MORN3: variants seen among roughly 807,000 people sequenced by gnomAD.
MORN3 encodes MORN repeat containing 3.
MORN3 carries 38 observed loss-of-function variants against 34.7 expected under a neutral mutation model. That is an observed-to-expected ratio of 1.10 (90% confidence interval 0.85 to 1.44). The LOEUF (loss-of-function observed/expected upper bound fraction) is 1.44, where lower values mean the gene tolerates loss of function less well. Ranked by LOEUF, MORN3 falls within the 40% of genes most tolerant of loss-of-function variation. MORN3 has a pLI of 0.00. For missense variants in MORN3, 311 were observed against 321.7 expected (o/e 0.97, Z 0.25); for synonymous variants, 109 against 115.3 (o/e 0.95, Z 0.35).
intron 1 of MORN3, 82 bp from the exon 2 acceptor site, chr12:121,659,430 C>G (rs142800261): frequency 6.9e-7 from 1 of 1,451,830 alleles, no homozygotes; most frequent in African/African-American, 1.4e-5. Context: ...CTCAGGGGCC[C>G]CCAACTAGAC....
Position 121,659,241 on chromosome 12 carries a change from C to T in MORN3, c.253G>A (p.Gly85Arg). The T allele has an allele frequency of 6.2e-7, 1 of 1,614,048 alleles. No individual in the cohort carries two copies. Among genetic ancestry groups the T allele is most frequent in the South Asian group, 1.1e-5 (1 of 91,082 alleles). The change falls in exon 2 of 6, where the codon GGA (glycine) becomes AGA (arginine). Residue 85 changes from glycine to arginine, a missense_variant. Coordinates refer to ENST00000355329, the MANE Select transcript of MORN3 (RefSeq NM_173855.5). The stretch of plus-strand genomic sequence containing the variant: ...CCTGAGTAGACTCTCCTGCACTTTC[C>T]TGTCTGTTGGTCAGGAAGGCTGAGG... ...GTLSLPDQQT[G>R]KCRRVYSGWW... is the part of the protein sequence containing the mutation.
rs375220552 is a variant in MORN3, at chr12:121,666,572, A to G, written c.145+2767T>C. On this transcript the variant is annotated intron_variant, in intron 1 of 5. Coordinates refer to ENST00000355329, the MANE Select transcript of MORN3 (RefSeq NM_173855.5). The stretch of plus-strand genomic sequence containing the variant: ...TCCTGTCACTAAGATGCTGGCAGCC[A>G]TGTGTATCATGCAGAGGTATACTTG... Among the ~76,000 whole-genome samples, 4 of 152,264 alleles carry G rather than the reference A, an allele frequency of 2.6e-5. No individual in the cohort carries two copies. In the South Asian group the frequency reaches 8.3e-4, roughly 32 times the overall value.
intron 2 of MORN3, 80 bp from the exon 3 acceptor site, chr12:121,654,513 G>A (rs1192583775): frequency 6.9e-6 from 10 of 1,439,506 alleles, no homozygotes; most frequent in Non-Finnish European, 9.3e-6. Context: ...GGCACCCCTA[G>A]AGCCACACAC....
chr12:121,659,078 TAGAC>T, intron 2 of MORN3, 109 bp downstream of exon 2: 16 of 1,402,130 alleles, frequency 1.1e-5, no homozygotes, highest in Non-Finnish European at 1.4e-5. Context: ...CTCCTCCCTG[TAGAC>T]CTCCCCTCTC....
At chr12:121,663,938 C>T (rs1190417162) in intron 1 of MORN3, among the ~76,000 whole-genome samples, 1 of 152,082 alleles carries the variant, frequency 6.6e-6, no homozygotes, top group African/African-American at 2.4e-5. Context: ...CACTCTCCCA[C>T]TCTAAACCCC....
intron 1 of MORN3, among the ~76,000 whole-genome samples, chr12:121,662,543 C>G (rs1022628510): frequency 6.6e-6 from 1 of 152,022 alleles, no homozygotes; most frequent in Non-Finnish European, 1.5e-5. Context: ...ATGATGAGGT[C>G]AGGAGATCGA....
At chr12:121,652,873 G>T in intron 4 of MORN3, 65 bp from the exon 5 acceptor site, 1 of 1,564,802 alleles carries the variant, frequency 6.4e-7, no homozygotes. Context: ...AGCCTTGACT[G>T]GCGCTGCCTG....
In MORN3 at chr12:121,654,253, CG is replaced by C; in HGVS notation, c.463+20del. 1.6e-6 allele frequency: 2 copies of C among 1,286,100 alleles called. No individual in the cohort carries two copies. Among genetic ancestry groups the C allele is most frequent in the Non-Finnish European group, 1.0e-6 (1 of 982,738 alleles). 79.7% of individuals were successfully genotyped at this position (1,286,100 alleles called of 1,614,324 possible). On this transcript the variant is annotated intron_variant, in intron 3 of 5. Transcript: ENST00000355329. The stretch of plus-strand genomic sequence containing the variant: ...GGGGGCGTGGTCGGGTGGGCGGGGC[CG>C]GCGGGGGTGGGGCACTCACTCAGGC...
intron 1 of MORN3, among the ~76,000 whole-genome samples, chr12:121,667,827 C>G (rs1566487097): frequency 6.6e-6 from 1 of 150,878 alleles, no homozygotes; most frequent in Non-Finnish European, 1.5e-5. Flanking sequence ...GGGTTCACGC[C>G]ATTCTCCTGC....
At chr12:121,658,115 T>C (rs1314654924) in intron 2 of MORN3, among the ~76,000 whole-genome samples, 2 of 152,082 alleles carry the variant, frequency 1.3e-5, no homozygotes. Flanking sequence ...GGGAGACTGA[T>C]TTGAGTAATA....
At position 121,651,510 on chromosome 12, in the gene MORN3, C is replaced by G. The variant is rs1893252778; in HGVS notation, c.*141G>C. On this transcript the variant is annotated 3_prime_UTR_variant, in exon 6 of 6. Transcript: ENST00000355329. ...CCTATTGGCAAGAAATGACCCAGTG[C>G]TGGGGGTAGTGAGGGGCCCTATGAG... 1 of 152,404 alleles carries G rather than the reference C, an allele frequency of 6.6e-6. No homozygotes were observed. The allele number at this position is 152,404 out of a possible 1,614,324, so 9.4% of individuals were successfully genotyped here. A position where few individuals can be genotyped will look rare whatever the true frequency, so the allele number is the denominator to read the frequency against.
chr12:121,661,736 C>T (rs1260675711), intron 1 of MORN3, among the ~76,000 whole-genome samples: 2 of 151,898 alleles, frequency 1.3e-5, no homozygotes, highest in Admixed American at 6.6e-5. Context: ...ATTAGCTGGG[C>T]GTGGTGGTGC....
intron 1 of MORN3, among the ~76,000 whole-genome samples, chr12:121,667,544 T>G (rs7297028): frequency 6.6e-6 from 1 of 151,000 alleles, no homozygotes. Flanking sequence ...TGTGAGCCAC[T>G]GTCCCCGGCC....
In MORN3 at chr12:121,652,715, G is replaced by A; in HGVS notation, c.*6+13C>T. 1 of 1,613,280 alleles carries A rather than the reference G, an allele frequency of 6.2e-7. No homozygotes were observed. Among genetic ancestry groups the A allele is most frequent in the East Asian group, 2.2e-5 (1 of 44,878 alleles). Reference sequence around the variant, plus strand: ...AGCCACATCAGAACTTGGCAGGTGTGCCCACCCCTCACCTGGCATCAATCT... The same window carrying A: ...AGCCACATCAGAACTTGGCAGGTGTACCCACCCCTCACCTGGCATCAATCT... On this transcript the variant is annotated intron_variant, in intron 5 of 5. Transcript: ENST00000355329.
At chr12:121,669,844 ATGTCTTCT>A (rs1893903793), upstream of MORN3, among the ~76,000 whole-genome samples, 1 of 127,980 alleles carries the variant, frequency 7.8e-6, no homozygotes, top group African/African-American at 3.2e-5. Flanking sequence ...TTTTTTTTTT[ATGTCTTCT>A]AAATATTTTT....
chr12:121,656,841 G>A (rs535590034), intron 2 of MORN3, among the ~76,000 whole-genome samples: 1 of 152,176 alleles, frequency 6.6e-6, no homozygotes, highest in East Asian at 1.9e-4. Flanking sequence ...AATTCTCTAG[G>A]CTGGGCTTGA....
intron 4 of MORN3, 65 bp downstream of exon 4, chr12:121,653,010 G>T: frequency 6.6e-7 from 1 of 1,516,860 alleles, no homozygotes. Flanking sequence ...CCTGGGCATG[G>T]CTGGGGATGC....
rs574179573 is a variant in MORN3 at position 121,669,379 on chromosome 12, G to A, written c.105C>T (p.Gly35=). Reference sequence around the variant, plus strand: ...CCTTCCACTCGCCCACATAGTAGTCGCCATTCACAGCGTATACCTGGCTCC... The same window carrying A: ...CCTTCCACTCGCCCACATAGTAGTCACCATTCACAGCGTATACCTGGCTCC... ...GLRSQVYAVN[G]DYYVGEWKDN... is the part of the protein sequence containing the mutation. Residue 35 remains glycine, a synonymous_variant, in exon 1 of 6, where the codon GGC becomes GGT. Coordinates refer to ENST00000355329, the MANE Select transcript of MORN3 (RefSeq NM_173855.5). 2.2e-5 allele frequency: 36 copies of A among 1,613,902 alleles called. No homozygotes were observed. The South Asian group carries it at 3.1e-4, about 14-fold the overall frequency.
upstream of MORN3, among the ~76,000 whole-genome samples, chr12:121,670,983 C>T (rs750363763): frequency 1.9e-4 from 29 of 150,824 alleles, no homozygotes; most frequent in Admixed American, 8.0e-4. Flanking sequence ...TGGTGGCGGG[C>T]GCCTGTAATC....
Sources: gnomAD v4.1 joint callset for allele counts (sites outside exome capture counted in the v4.1 genomes callset) on GRCh38, gnomAD v4.1.1 for gene constraint, MANE v1.5 for transcripts, NCBI Gene and HGNC (gene_info 2026-07-23, HGNC 2026-07-21) for gene names.